The following MUSK variants were observed in gnomAD, a reference collection of about 807,000 sequenced individuals.
MUSK encodes the protein muscle associated receptor tyrosine kinase.
MUSK carries 55 observed loss-of-function variants against 88.7 expected under a neutral mutation model. That is an observed-to-expected ratio of 0.62 (90% CI 0.50 to 0.78). MUSK has a LOEUF of 0.78. MUSK is among the 30% of genes least tolerant of loss of function. The pLI is 0.00. For missense variants in MUSK, 1,015 were observed against 1,074.3 expected, an observed-to-expected ratio of 0.94 and a Z score of 0.77; for synonymous variants, 387 against 391.9, an observed-to-expected ratio of 0.99 and a Z score of 0.15.
chr9:110,697,265 G>C, intron 4 of MUSK, 60 bp from the exon 5 acceptor site: 1 of 1,560,680 alleles, frequency 6.4e-7, no homozygotes, highest in African/African-American at 1.4e-5. Flanking sequence ...ATGATATTTG[G>C]CAAATGTATC....
At chr9:110,788,003 A>T (rs2077904751) in intron 14 of MUSK, 165 bp downstream of exon 14, 1 of 717,424 alleles carries the variant, frequency 1.4e-6, no homozygotes, top group African/African-American at 1.8e-5. Flanking sequence ...CCTATAGGAC[A>T]TTCATGGCTT....
chr9:110,784,890 C>G lies in MUSK; in HGVS notation c.1460C>G (p.Ser487Cys). 6.2e-7 allele frequency: 1 copy of G among 1,613,928 alleles called. No homozygotes were observed. Among genetic ancestry groups the G allele is most frequent in the Middle Eastern group, 1.7e-4 (1 of 6,058 alleles). The change falls in exon 12 of 15, where the codon TCT (serine) becomes TGT (cysteine). Residue 487 changes from serine (S) to cysteine (C), a missense_variant. Transcript: ENST00000374448. ...NLPSSSSSSF[S>C]VSPTYSMTVI... ...CCTTCCTCCTCCTCTTCTTCCTTCTCTGTCTCACCTACATACTCCATGACT... is the reference window on the plus strand; with the variant it reads ...CCTTCCTCCTCCTCTTCTTCCTTCTGTGTCTCACCTACATACTCCATGACT...
At chr9:110,788,556 G>C (rs191215666) in intron 14 of MUSK, among the ~76,000 whole-genome samples, 1 of 151,292 alleles carries the variant, frequency 6.6e-6, no homozygotes, top group Non-Finnish European at 1.5e-5. Context: ...CGCTTACACC[G>C]GGGGGGCAGA....
At chr9:110,689,988 TA>T (rs2076296806) in intron 3 of MUSK, among the ~76,000 whole-genome samples, 1 of 46,168 alleles carries the variant, frequency 2.2e-5, no homozygotes, top group Non-Finnish European at 3.6e-5. Context: ...ATAAATATTA[TA>T]ATTATATATT....
rs1200523959 is a variant in MUSK at position 110,784,933 on chromosome 9, G to T, written c.1503G>T (p.Met501Ile). ...CCATGACTGTAATAATCTCCATCAT[G>T]TCCAGCTTTGCAATATTTGTGCTTC... is the stretch of plus-strand genomic sequence containing the variant. ...TYSMTVIISI[M>I]SSFAIFVLLT... Residue 501 changes from methionine (M) to isoleucine (I), a missense_variant, in exon 12 of 15, where the codon ATG becomes ATT. Transcript: ENST00000374448. 1.9e-6 allele frequency: 3 copies of T among 1,613,714 alleles called. No homozygotes were observed. Among genetic ancestry groups the T allele is most frequent in the Non-Finnish European group, 2.5e-6 (3 of 1,179,802 alleles).
chr9:110,800,263 A>C, intron 14 of MUSK, 43 bp from the exon 15 acceptor site: 2 of 1,536,602 alleles, frequency 1.3e-6, no homozygotes, highest in Non-Finnish European at 1.8e-6. Context: ...CCATTGTTTC[A>C]TTGTAGAAAC....
At chr9:110,707,130 T>C (rs191010548) in intron 5 of MUSK, among the ~76,000 whole-genome samples, 1 of 152,114 alleles carries the variant, frequency 6.6e-6, no homozygotes, top group East Asian at 1.9e-4. Context: ...TAGGTGAACC[T>C]CTTGAATCCA....
In MUSK at chr9:110,800,624, A is replaced by G. The variant is rs755489021; in HGVS notation, c.2246A>G (p.Asn749Ser). Reference sequence around the variant, plus strand: ...ATTGCCGACTTTGGCCTCTCCAGGAACATCTACTCAGCAGACTACTACAAA... The same window carrying G: ...ATTGCCGACTTTGGCCTCTCCAGGAGCATCTACTCAGCAGACTACTACAAA... ...VKIADFGLSR[N>S]IYSADYYKAN... Residue 749 changes from asparagine to serine, a missense_variant, in exon 15 of 15, where the codon AAC becomes AGC. Transcript: ENST00000374448. 1.1e-5 allele frequency: 17 copies of G among 1,613,742 alleles called. No homozygotes were observed. The highest frequency in any genetic ancestry group is 2.5e-6 in the Non-Finnish European group (3 of 1,179,892).
At chr9:110,678,994 A>C (rs73536275) in intron 1 of MUSK, among the ~76,000 whole-genome samples, 3,448 of 152,018 alleles carry the variant, frequency 0.023, 130 homozygotes, top group African/African-American at 0.079. Context: ...CTGGGTTAAA[A>C]TCTCCTATGT....
At chr9:110,753,821 T>C (rs1247135414) in intron 7 of MUSK, among the ~76,000 whole-genome samples, 1 of 152,222 alleles carries the variant, frequency 6.6e-6, no homozygotes, top group Non-Finnish European at 1.5e-5. Context: ...GGTTTTATTT[T>C]TCTTATTTCA....
intron 9 of MUSK, among the ~76,000 whole-genome samples, chr9:110,769,796 A>C (rs1347386403): frequency 6.8e-6 from 1 of 146,988 alleles, no homozygotes. Context: ...TACTACTAAC[A>C]TAATTTGTGG....
intron 1 of MUSK, among the ~76,000 whole-genome samples, chr9:110,669,788 C>T (rs3010813): frequency 0.51 from 77,776 of 151,970 alleles, 21,080 homozygotes; most frequent in African/African-American, 0.7. Context: ...AAGGGTATCA[C>T]TGAAATCTTT....
At position 110,775,690 on chromosome 9, in the gene MUSK, CATG is replaced by C. The variant is rs533412380; in HGVS notation, c.1185-91_1185-89del. 9.1e-5 allele frequency: 103 copies of C among 1,133,720 alleles called. No individual in the cohort carries two copies. In the African/African-American group the frequency reaches 1.3e-3, roughly 14 times the overall value. The allele number at this position is 1,133,720 out of a possible 1,614,324, so 70.2% of individuals were successfully genotyped here. A position where few individuals can be genotyped will look rare whatever the true frequency, so the allele number is the denominator to read the frequency against. ...CGCGCTTTTTTCAAGAACAATTTAC[CATG>C]ATGATGTCTTGAAAACACAGAATTT... On this transcript the variant is annotated intron_variant, in intron 9 of 14. Transcript: ENST00000374448.
chr9:110,777,170 T>C (rs2131992823), intron 11 of MUSK, among the ~76,000 whole-genome samples: 1 of 152,198 alleles, frequency 6.6e-6, no homozygotes, highest in East Asian at 1.9e-4. Context: ...CAAAAATCTC[T>C]GGGAAAGAAT....
chr9:110,759,084 C>T (rs2077363796), intron 7 of MUSK, among the ~76,000 whole-genome samples: 1 of 152,178 alleles, frequency 6.6e-6, no homozygotes, highest in Admixed American at 6.5e-5. Flanking sequence ...TCAAACTATA[C>T]TACAGGACTG....
chr9:110,671,721 C>A (rs1004455685), intron 1 of MUSK, among the ~76,000 whole-genome samples: 3 of 152,164 alleles, frequency 2.0e-5, no homozygotes, highest in African/African-American at 7.2e-5. Context: ...ATGAAAGTAG[C>A]CAATGTTCCA....
rs567112920 is a variant in MUSK at position 110,803,608 on chromosome 9, T to G, written c.*2620T>G. ...ACTCTATATCTATATTTTATTCTAT[T>G]AACTTCCTAAGTCTTTTTAATGAAT... On this transcript the variant is annotated 3_prime_UTR_variant, in exon 15 of 15. Transcript: ENST00000374448. Among the ~76,000 whole-genome samples the G allele has an allele frequency of 6.6e-6, 1 of 152,372 alleles. No individual in the cohort carries two copies. Among genetic ancestry groups the G allele is most frequent in the Admixed American group, 6.5e-5 (1 of 15,308 alleles).
intron 6 of MUSK, among the ~76,000 whole-genome samples, chr9:110,744,559 TATCCTACTGCCTCTTTTTAGA>T (rs1222605013): frequency 6.6e-6 from 1 of 152,234 alleles, no homozygotes; most frequent in Non-Finnish European, 1.5e-5. Context: ...TAGAGCTTCC[TATCCTACTGCCTCTTTTTAGA>T]AAAAAAAGTT....
intron 5 of MUSK, among the ~76,000 whole-genome samples, chr9:110,725,689 T>C (rs1051614925): frequency 1.3e-5 from 2 of 151,998 alleles, no homozygotes; most frequent in Non-Finnish European, 2.9e-5. Context: ...TGTGCTGGAC[T>C]TTAGAGGAAA....
Sources: gnomAD v4.1 joint callset for allele counts (sites outside exome capture counted in the v4.1 genomes callset) on GRCh38, gnomAD v4.1.1 for gene constraint, MANE v1.5 for transcripts, NCBI Gene and HGNC (gene_info 2026-07-23, HGNC 2026-07-21) for gene names.